The following TRUB1 variants were observed in gnomAD, a reference collection of about 807,000 sequenced individuals.
TRUB1 encodes the protein TruB pseudouridine synthase family member 1.
A neutral mutation model predicts 33.9 loss-of-function variants in TRUB1; 23 were observed. The observed-to-expected ratio is 0.68, with a 90% confidence interval of 0.49 to 0.96. The LOEUF (loss-of-function observed/expected upper bound fraction) is 0.96, where lower values mean the gene tolerates loss of function less well. Ranked by LOEUF, TRUB1 falls within the 40% of genes least tolerant of loss-of-function variation. The pLI, the probability that TRUB1 is intolerant of heterozygous loss-of-function variation, is 0.00. For synonymous variants in TRUB1, 163 were observed against 165.4 expected (o/e 0.99, Z 0.11); for missense variants, 378 against 422.2 (o/e 0.90, Z 0.92).
chr10:114,961,233 A>G (rs984457770), intron 4 of TRUB1, among the ~76,000 whole-genome samples: 1 of 152,100 alleles, frequency 6.6e-6, no homozygotes, highest in African/African-American at 2.4e-5. Flanking sequence ...CTCTTATAGT[A>G]GTCCAAGCAG....
At position 114,951,282 on chromosome 10, in the gene TRUB1, A is replaced by G. The variant is rs114107946; in HGVS notation, c.441+133A>G. The G allele has an allele frequency of 7.5e-3, 4,298 of 575,222 alleles. 135 individuals are homozygous for G. Among genetic ancestry groups the G allele is most frequent in the African/African-American group, 0.073 (3,809 of 52,354 alleles). The allele number at this position is 575,222 out of a possible 1,614,324, so 35.6% of individuals were successfully genotyped here. On this transcript the variant is annotated intron_variant, in intron 3 of 7. Transcript: ENST00000298746. ...TCATTCCTGAGTATTAATTATGTCTATAAACATATCTGAGATTGAAAATAT... is the reference window on the plus strand; with the variant it reads ...TCATTCCTGAGTATTAATTATGTCTGTAAACATATCTGAGATTGAAAATAT...
At position 114,942,702 on chromosome 10, in the gene TRUB1, G is replaced by T. The variant is rs1232207143; in HGVS notation, c.344G>T (p.Gly115Val). The T allele has an allele frequency of 6.2e-7, 1 of 1,613,972 alleles. No homozygotes were observed. The highest frequency in any genetic ancestry group is 8.5e-7 in the Non-Finnish European group (1 of 1,179,948). Residue 115 changes from glycine to valine, a missense_variant, in exon 2 of 8, where the codon GGG (glycine) becomes GTG (valine). Transcript: ENST00000298746. ...AGGAAAAAGCAGACTTTGAAAATTG[G>T]GCATGGAGGGACTCTAGACAGCGCA... Reference protein sequence around the residue: ...TKRKKQTLKIGHGGTLDSAAR... With the variant: ...TKRKKQTLKIVHGGTLDSAAR...
At chr10:114,939,975 T>C (rs2084179057) in intron 1 of TRUB1, among the ~76,000 whole-genome samples, 1 of 152,182 alleles carries the variant, frequency 6.6e-6, no homozygotes, top group African/African-American at 2.4e-5. Context: ...AGGCTCTTGC[T>C]AGGCTAGAAC....
intron 2 of TRUB1, 143 bp from the exon 3 acceptor site, chr10:114,950,951 A>C: frequency 1.7e-6 from 1 of 604,752 alleles, no homozygotes; most frequent in African/African-American, 1.9e-5. Context: ...TTGGAGTAAT[A>C]GGAGCCCTAA....
chr10:114,959,657 C>A, intron 3 of TRUB1, 69 bp from the exon 4 acceptor site: 1 of 987,944 alleles, frequency 1.0e-6, no homozygotes, highest in Non-Finnish European at 1.6e-6. Flanking sequence ...TCTGTGTAAA[C>A]TTCAAGACAT....
At chr10:114,939,630 G>GT (rs2084176702) in intron 1 of TRUB1, among the ~76,000 whole-genome samples, 2 of 152,180 alleles carry the variant, frequency 1.3e-5, no homozygotes, top group African/African-American at 4.8e-5. Flanking sequence ...TCCTGCAGAT[G>GT]TTTAATTCCA....
chr10:114,967,061 A>T, intron 4 of TRUB1, among the ~76,000 whole-genome samples: 1 of 152,324 alleles, frequency 6.6e-6, no homozygotes. Context: ...CCCTGTATGT[A>T]TGTATGTACA....
At chr10:114,938,656 C>G in intron 1 of TRUB1, 117 bp downstream of exon 1, 1 of 1,167,274 alleles carries the variant, frequency 8.6e-7, no homozygotes, top group Non-Finnish European at 1.2e-6. Flanking sequence ...GGAGACTGAC[C>G]ATTGAATTAG....
chr10:114,973,985 C>T, intron 6 of TRUB1, among the ~76,000 whole-genome samples: 1 of 152,074 alleles, frequency 6.6e-6, no homozygotes, highest in East Asian at 1.9e-4. Flanking sequence ...GCATATAAAT[C>T]TGAAAATATT....
chr10:114,976,855 T>C lies in TRUB1; in HGVS notation c.*1476T>C, dbSNP rs1284031756. 1.3e-5 allele frequency: 2 copies of C among 152,056 alleles called. No individual in the cohort carries two copies. Among genetic ancestry groups the C allele is most frequent in the African/African-American group, 4.8e-5 (2 of 41,402 alleles). 9.4% of individuals were successfully genotyped at this position (152,056 alleles called of 1,614,324 possible). A position where few individuals can be genotyped will look rare whatever the true frequency, so the allele number is the denominator to read the frequency against. On this transcript the variant is annotated 3_prime_UTR_variant, in exon 8 of 8. Coordinates refer to ENST00000298746, the MANE Select transcript of TRUB1 (RefSeq NM_139169.5). Reference sequence around the variant, plus strand: ...TACCATGATGCATTAACATAAAATATCAAACACACAAAGTCATAAAATGAA... The same window carrying C: ...TACCATGATGCATTAACATAAAATACCAAACACACAAAGTCATAAAATGAA...
chr10:114,961,472 T>TA (rs1343358080), intron 4 of TRUB1, among the ~76,000 whole-genome samples: 4 of 152,236 alleles, frequency 2.6e-5, no homozygotes, highest in South Asian at 4.1e-4. Context: ...CAAAAATACT[T>TA]AAACATATCC....
At position 114,975,490 on chromosome 10, in the gene TRUB1, A is replaced by G. The variant is rs753679087; in HGVS notation, c.*111A>G. The G allele has an allele frequency of 1.4e-4, 139 of 1,010,882 alleles. No individual in the cohort carries two copies. The highest frequency in any genetic ancestry group is 3.3e-4 in the Middle Eastern group (1 of 3,010). 62.6% of individuals were successfully genotyped at this position (1,010,882 alleles called of 1,614,324 possible). On this transcript the variant is annotated 3_prime_UTR_variant, in exon 8 of 8. Transcript: ENST00000298746. ...AACAATATGTCTTTTTTTTTTTTGC[A>G]TGAAGAAAAATGTCTATCATTTACA...
chr10:114,942,734 G>A lies in TRUB1; in HGVS notation c.376G>A (p.Gly126Arg). ...AGGGACTCTAGACAGCGCAGCCCGAGGAGTTCTGGGTAAGAGATATGAAAG... is the reference window on the plus strand; with the variant it reads ...AGGGACTCTAGACAGCGCAGCCCGAAGAGTTCTGGGTAAGAGATATGAAAG... ...HGGTLDSAAR[G>R]VLVVGIGSGT... is the part of the protein sequence containing the mutation. Residue 126 changes from glycine (G) to arginine (R), a missense_variant, in exon 2 of 8, where the codon GGA (glycine) becomes AGA (arginine). By Grantham distance (125) the Gly-to-Arg change is moderately radical. Transcript: ENST00000298746. The A allele has an allele frequency of 6.2e-7, 1 of 1,611,910 alleles. No homozygotes were observed. Among genetic ancestry groups the A allele is most frequent in the Non-Finnish European group, 8.5e-7 (1 of 1,178,150 alleles).
rs1439051303 is a variant in TRUB1 at position 114,975,468 on chromosome 10, AAT to A, written c.*92_*93del. On this transcript the variant is annotated 3_prime_UTR_variant, in exon 8 of 8. Transcript: ENST00000298746. Reference sequence around the variant, plus strand: ...GACAAGCTGCATTCAAAAGACAAACAATATGTCTTTTTTTTTTTTGCATGAAG... The same window carrying A: ...GACAAGCTGCATTCAAAAGACAAACAATGTCTTTTTTTTTTTTGCATGAAG... 3.9e-6 allele frequency: 5 copies of A among 1,298,440 alleles called. No homozygotes were observed. The highest frequency in any genetic ancestry group is 1.5e-5 in the African/African-American group (1 of 66,378). 80.4% of individuals were successfully genotyped at this position (1,298,440 alleles called of 1,614,324 possible). A position where few individuals can be genotyped will look rare whatever the true frequency, so the allele number is the denominator to read the frequency against.
intron 2 of TRUB1, among the ~76,000 whole-genome samples, chr10:114,950,879 G>GACAA (rs1298938534): frequency 7.4e-4 from 113 of 152,274 alleles, no homozygotes; most frequent in Non-Finnish European, 1.3e-3. Context: ...TTGAGAATGG[G>GACAA]GAGAAAGGTC....
chr10:114,943,749 CTG>C (rs1426526510), intron 2 of TRUB1, among the ~76,000 whole-genome samples: 1 of 152,134 alleles, frequency 6.6e-6, no homozygotes, highest in Non-Finnish European at 1.5e-5. Flanking sequence ...TACTACATCA[CTG>C]TAAAATTCTG....
rs368115884 is a variant in TRUB1 at position 114,938,274 on chromosome 10, G to C, written c.21G>C (p.Ala7=). Residue 7 remains alanine (A), a synonymous_variant, in exon 1 of 8, where the codon GCG becomes GCC. Transcript: ENST00000298746. MAASEA[A]VVSSPSLKTD... ...AAAGTATGGCCGCTTCTGAGGCGGC[G>C]GTGGTGTCTTCGCCGTCTTTGAAAA... The C allele has an allele frequency of 6.2e-7, 1 of 1,614,188 alleles. No individual in the cohort carries two copies. Among genetic ancestry groups the C allele is most frequent in the East Asian group, 2.2e-5 (1 of 44,876 alleles).
chr10:114,944,955 A>C (rs1381463505), intron 2 of TRUB1, among the ~76,000 whole-genome samples: 1 of 152,198 alleles, frequency 6.6e-6, no homozygotes, highest in Non-Finnish European at 1.5e-5. Context: ...ACTGCACCCC[A>C]AAAAAACAAG....
At chr10:114,950,262 A>T (rs1400751220) in intron 2 of TRUB1, among the ~76,000 whole-genome samples, 1 of 152,248 alleles carries the variant, frequency 6.6e-6, no homozygotes, top group Non-Finnish European at 1.5e-5. Flanking sequence ...AGAATCTGAT[A>T]CATGGTAAAC....
Sources: allele counts gnomAD v4.1 joint callset (sites outside exome capture counted in the v4.1 genomes callset), GRCh38; gene constraint gnomAD v4.1.1; transcripts MANE v1.5; gene names NCBI Gene and HGNC (gene_info 2026-07-23, HGNC 2026-07-21).